Variants in SLC35F3 observed in about 807,000 individuals in gnomAD.
SLC35F3 encodes the protein solute carrier family 35 member F3, also known as putative thiamine transporter SLC35F3.
A neutral mutation model predicts 49.9 loss-of-function variants in SLC35F3; 25 were observed. That is an observed-to-expected ratio of 0.50 (90% CI 0.37 to 0.70). The LOEUF is 0.70. SLC35F3 is among the 30% of genes least tolerant of loss of function. The pLI is 0.00. For missense variants in SLC35F3, 525 were observed against 639.8 expected, an observed-to-expected ratio of 0.82 and a Z score of 1.94; for synonymous variants, 275 against 265.4, an observed-to-expected ratio of 1.04 and a Z score of -0.35.
intron 2 of SLC35F3, among the ~76,000 whole-genome samples, chr1:233,937,687 CTG>C (rs1463944353): frequency 6.6e-6 from 1 of 152,158 alleles, no homozygotes; most frequent in Non-Finnish European, 1.5e-5. Context: ...AAAATATACT[CTG>C]AAACAAAACG....
At chr1:234,114,544 A>C (rs1009329057) in intron 2 of SLC35F3, among the ~76,000 whole-genome samples, 3 of 152,244 alleles carry the variant, frequency 2.0e-5, no homozygotes, top group African/African-American at 7.2e-5. Context: ...AATCAAGACT[A>C]ATCTGTTTTT....
In SLC35F3 at chr1:234,104,985, G is replaced by T. The variant is rs138409417; in HGVS notation, c.284-126432G>T. The stretch of plus-strand genomic sequence containing the variant: ...CTCTACTAAAAATACAAAATTAGCT[G>T]GGCGTGGTGGCGGGCACCTGTAGTC... On this transcript the variant is annotated intron_variant, in intron 2 of 7. Coordinates refer to ENST00000366618, the MANE Select transcript of SLC35F3 (RefSeq NM_173508.4). Among the ~76,000 whole-genome samples the T allele has an allele frequency of 7.0e-3, 1,058 of 152,082 alleles. 12 individuals carry two copies. The highest frequency in any genetic ancestry group is 1.0e-2 in the Non-Finnish European group (677 of 67,984).
At chr1:234,079,067 A>G (rs181328041) in intron 2 of SLC35F3, among the ~76,000 whole-genome samples, 2 of 151,834 alleles carry the variant, frequency 1.3e-5, no homozygotes, top group African/African-American at 4.8e-5. Flanking sequence ...TTCCAATTTC[A>G]AAAGGTACTA....
chr1:233,941,710 A>G (rs1662423497), intron 2 of SLC35F3, among the ~76,000 whole-genome samples: 3 of 150,360 alleles, frequency 2.0e-5, no homozygotes, highest in Admixed American at 1.3e-4. Context: ...GAGCATTTAT[A>G]TATTGCACCA....
At chr1:234,000,719 A>G (rs1663537685) in intron 2 of SLC35F3, among the ~76,000 whole-genome samples, 1 of 152,222 alleles carries the variant, frequency 6.6e-6, no homozygotes, top group South Asian at 2.1e-4. Context: ...TTTTTATAGT[A>G]CAAATGGGAG....
At position 234,214,475 on chromosome 1, in the gene SLC35F3, G is replaced by A. The variant is rs568779054; in HGVS notation, c.284-16942G>A. On this transcript the variant is annotated intron_variant, in intron 2 of 7. Coordinates refer to ENST00000366618, the MANE Select transcript of SLC35F3 (RefSeq NM_173508.4). This position sits in a 1 kb window ranked among gnomAD's most constrained non-coding sequence, Gnocchi z 8.0. ...CAGGATGTAGGCGATCGGCGGCAGC[G>A]CTCCTGCAGGCGGCCGGCTCATCAT... The A allele has an allele frequency of 6.6e-7, 1 of 1,519,780 alleles. No homozygotes were observed. Among genetic ancestry groups the A allele is most frequent in the Non-Finnish European group, 8.8e-7 (1 of 1,134,272 alleles). 94.1% of individuals were successfully genotyped at this position (1,519,780 alleles called of 1,614,324 possible). A position where few individuals can be genotyped will look rare whatever the true frequency, so the allele number is the denominator to read the frequency against.
At chr1:234,093,207 C>T (rs549142867) in intron 2 of SLC35F3, among the ~76,000 whole-genome samples, 8 of 152,342 alleles carry the variant, frequency 5.3e-5, no homozygotes, top group Admixed American at 4.6e-4. Flanking sequence ...ATTACACTCA[C>T]AGCATGCCTC....
At chr1:233,965,931 G>T (rs2102814439) in intron 2 of SLC35F3, among the ~76,000 whole-genome samples, 1 of 152,334 alleles carries the variant, frequency 6.6e-6, no homozygotes, top group Admixed American at 6.5e-5. Context: ...CTTTGGCTAG[G>T]TTGGATATTT....
chr1:233,955,355 T>C (rs1048022902), intron 2 of SLC35F3, among the ~76,000 whole-genome samples: 3 of 152,136 alleles, frequency 2.0e-5, no homozygotes, highest in Non-Finnish European at 2.9e-5. Context: ...CTGAAACTGC[T>C]CTTCCTCCCT....
intron 2 of SLC35F3, among the ~76,000 whole-genome samples, chr1:234,082,992 A>C (rs141043030): frequency 2.0e-5 from 3 of 152,310 alleles, no homozygotes; most frequent in African/African-American, 4.8e-5. Context: ...ACTGTGAGCT[A>C]TGCAACCTTT....
rs771239245 is a variant in SLC35F3 at position 233,963,298 on chromosome 1, C to CT, written c.283+57552dup. Among the ~76,000 whole-genome samples, 545 of 145,074 alleles carry CT rather than the reference C, an allele frequency of 3.8e-3. 3 individuals carry two copies. Among genetic ancestry groups the CT allele is most frequent in the Non-Finnish European group, 5.6e-3 (368 of 65,584 alleles). On this transcript the variant is annotated intron_variant, in intron 2 of 7. Transcript: ENST00000366618. Reference sequence around the variant, plus strand: ...TCATAGCTTTCTTTTTTCTTTCTTTCTTTTTTTTTTTTCTTTTTTTGAGAT... The same window carrying CT: ...TCATAGCTTTCTTTTTTCTTTCTTTCTTTTTTTTTTTTTCTTTTTTTGAGAT...
At chr1:234,181,941 T>G (rs896184890) in intron 2 of SLC35F3, among the ~76,000 whole-genome samples, 1 of 152,216 alleles carries the variant, frequency 6.6e-6, no homozygotes, top group African/African-American at 2.4e-5. Flanking sequence ...AGTAGTTATA[T>G]TCTATCATCT....
chr1:234,263,996 C>T (rs1667944540), intron 3 of SLC35F3, among the ~76,000 whole-genome samples: 1 of 152,172 alleles, frequency 6.6e-6, no homozygotes, highest in Non-Finnish European at 1.5e-5. Context: ...GTAATCCCAG[C>T]TACTCAGGAG....
At chr1:234,050,190 C>A (rs896155551) in intron 2 of SLC35F3, among the ~76,000 whole-genome samples, 1 of 152,190 alleles carries the variant, frequency 6.6e-6, no homozygotes, top group Non-Finnish European at 1.5e-5. Context: ...ATTTCTAGTT[C>A]TAGATCCTTG....
chr1:234,156,619 T>C (rs928705117), intron 2 of SLC35F3, among the ~76,000 whole-genome samples: 3 of 152,190 alleles, frequency 2.0e-5, no homozygotes, highest in African/African-American at 7.2e-5. Flanking sequence ...CTTAGGTGTA[T>C]ATTCAAGAGA....
intron 7 of SLC35F3, among the ~76,000 whole-genome samples, chr1:234,321,531 C>T (rs1193892468): frequency 6.6e-6 from 1 of 152,252 alleles, no homozygotes; most frequent in Non-Finnish European, 1.5e-5. Context: ...CCTCCCCCTA[C>T]ATTCTTTGCA....
At chr1:234,028,690 G>T (rs1289715039) in intron 2 of SLC35F3, among the ~76,000 whole-genome samples, 1 of 152,218 alleles carries the variant, frequency 6.6e-6, no homozygotes, top group Non-Finnish European at 1.5e-5. Context: ...ACTCTCTATA[G>T]AAAAGAGAGG....
rs113733876 is a variant in SLC35F3, at chr1:234,155,395, G to GATGATGATGATGATT, written c.284-76020_284-76019insGATGATGATGATTAT. On this transcript the variant is annotated intron_variant, in intron 2 of 7. Transcript: ENST00000366618. Reference sequence around the variant, plus strand: ...TCTAAGTGAAAACTGCTATTCACCTGATTATTATTATTATTATTATTATTA... The same window carrying GATGATGATGATGATT: ...TCTAAGTGAAAACTGCTATTCACCTGATGATGATGATGATTATTATTATTATTATTATTATTATTA... Among the ~76,000 whole-genome samples, 5 of 149,292 alleles carry GATGATGATGATGATT rather than the reference G, an allele frequency of 3.3e-5. No homozygotes were observed. The South Asian group carries it at 6.3e-4, about 19-fold the overall frequency.
chr1:234,220,422 A>G (rs1486136988), intron 2 of SLC35F3, among the ~76,000 whole-genome samples: 1 of 152,198 alleles, frequency 6.6e-6, no homozygotes, highest in Non-Finnish European at 1.5e-5. Context: ...GGGGAGTGAC[A>G]GCAGCAGTCC....
Sources: gnomAD v4.1 joint callset for allele counts (sites outside exome capture counted in the v4.1 genomes callset) on GRCh38, gnomAD v4.1.1 for gene constraint, Gnocchi (gnomAD v3.1) non-coding constraint, MANE v1.5 for transcripts, NCBI Gene and HGNC (gene_info 2026-07-23, HGNC 2026-07-21) for gene names.